OLFM2: variants seen among roughly 807,000 people sequenced by gnomAD.
OLFM2 encodes olfactomedin 2, also known as noelin-2.
In OLFM2, 20 loss-of-function variants were observed where a neutral mutation model predicts 43.9. That is an observed-to-expected ratio of 0.46 (90% CI 0.32 to 0.66). The LOEUF is 0.66. Ranked by LOEUF, OLFM2 falls within the 30% of genes least tolerant of loss-of-function variation. The pLI is 0.04. For synonymous variants in OLFM2, 268 were observed against 278.6 expected (o/e 0.96, Z 0.38); for missense variants, 416 against 643.6 (o/e 0.65, Z 3.83).
chr19:9,880,066 T>C (rs961205027), intron 1 of OLFM2, among the ~76,000 whole-genome samples: 12 of 152,078 alleles, frequency 7.9e-5, no homozygotes, highest in African/African-American at 2.7e-4. Flanking sequence ...CATAAGCCAC[T>C]GGGCCCGGTC....
intron 1 of OLFM2, among the ~76,000 whole-genome samples, chr19:9,897,949 C>A (rs1844660812): frequency 6.6e-6 from 1 of 152,004 alleles, no homozygotes; most frequent in Admixed American, 6.6e-5. Flanking sequence ...GTCACCCAGG[C>A]TGGAGCACAG....
At chr19:9,934,318 C>A (rs998824246) in intron 1 of OLFM2, among the ~76,000 whole-genome samples, 8 of 152,184 alleles carry the variant, frequency 5.3e-5, no homozygotes, top group African/African-American at 1.9e-4. Context: ...CCCGCCCTAA[C>A]GGATTACCTC....
At chr19:9,925,181 C>T (rs988010531) in intron 1 of OLFM2, among the ~76,000 whole-genome samples, 4 of 151,980 alleles carry the variant, frequency 2.6e-5, no homozygotes, top group Admixed American at 6.6e-5. Context: ...GGCTTGAGTC[C>T]GGAAGGCGGA....
chr19:9,888,867 C>G (rs1038616223), intron 1 of OLFM2, among the ~76,000 whole-genome samples: 101 of 152,100 alleles, frequency 6.6e-4, no homozygotes, highest in African/African-American at 2.3e-3. Flanking sequence ...GAGATCGAGA[C>G]CATCCTGGCT....
In OLFM2 at chr19:9,857,298, A is replaced by C; in HGVS notation, c.545T>G (p.Leu182Arg). The change falls in exon 4 of 6, where the codon CTG (leucine) becomes CGG (arginine). Residue 182 changes from leucine (L) to arginine (R), a missense_variant. Coordinates refer to ENST00000264833, the MANE Select transcript of OLFM2 (RefSeq NM_058164.4). The surrounding 1 kb of genome is among the most constrained non-coding windows in gnomAD (Gnocchi z 5.7). ...YEDLQQRVMALEARLHACAQK... is the reference protein window; with the variant it reads ...YEDLQQRVMAREARLHACAQK... ...GGCGCAGGCGTGGAGCCGGGCCTCC[A>C]GGGCCATCACCCGTTGCTGCAGGTC... is the stretch of plus-strand genomic sequence containing the variant. The C allele has an allele frequency of 6.2e-7, 1 of 1,614,154 alleles. No homozygotes were observed. Among genetic ancestry groups the C allele is most frequent in the African/African-American group, 1.3e-5 (1 of 75,046 alleles).
At chr19:9,906,119 A>AC (rs2046784107) in intron 1 of OLFM2, among the ~76,000 whole-genome samples, 1 of 152,108 alleles carries the variant, frequency 6.6e-6, no homozygotes, top group Non-Finnish European at 1.5e-5. Flanking sequence ...TTTCACGGGG[A>AC]CCAGGTAGGT....
rs1235324949 is a variant in OLFM2 at position 9,857,011 on chromosome 19, G to A, written c.581-98C>T. On this transcript the variant is annotated intron_variant, in intron 4 of 5. Transcript: ENST00000264833. This position sits in a 1 kb window ranked among gnomAD's most constrained non-coding sequence, Gnocchi z 5.7. ...GCTGTGATCAAGTTGGGAAAGCTGG[G>A]ACCAGGGATGAGGGAAGACTCAAAA... 4.6e-6 allele frequency: 5 copies of A among 1,075,912 alleles called. No individual in the cohort carries two copies. The highest frequency in any genetic ancestry group is 7.0e-6 in the Non-Finnish European group (5 of 719,106). 66.6% of individuals were successfully genotyped at this position (1,075,912 alleles called of 1,614,324 possible).
At chr19:9,889,329 G>C (rs907173980) in intron 1 of OLFM2, among the ~76,000 whole-genome samples, 1 of 151,952 alleles carries the variant, frequency 6.6e-6, no homozygotes, top group South Asian at 2.1e-4. Flanking sequence ...AGCACACACA[G>C]TGTCAATCTC....
At chr19:9,873,113 C>T (rs2046456860) in intron 1 of OLFM2, among the ~76,000 whole-genome samples, 1 of 152,174 alleles carries the variant, frequency 6.6e-6, no homozygotes, top group African/African-American at 2.4e-5. Flanking sequence ...ATTTGGATGC[C>T]AGCCTATCAG....
intron 1 of OLFM2, among the ~76,000 whole-genome samples, chr19:9,916,597 G>A (rs2046877824): frequency 1.3e-5 from 2 of 152,128 alleles, no homozygotes; most frequent in Non-Finnish European, 2.9e-5. Flanking sequence ...CAGACCCTAA[G>A]ACCAACTGGG....
intron 1 of OLFM2, among the ~76,000 whole-genome samples, chr19:9,914,213 G>T (rs2046856840): frequency 6.6e-6 from 1 of 152,102 alleles, no homozygotes; most frequent in Non-Finnish European, 1.5e-5. Context: ...AAGACGGCAG[G>T]GGGCCGGAGT....
intron 1 of OLFM2, chr19:9,913,843 G>C (rs7256356): frequency 0.47 from 101,740 of 215,352 alleles, 24,963 homozygotes; most frequent in Admixed American, 0.56. Context: ...GCCGGCTCGG[G>C]CCCCCGCCCC....
At chr19:9,883,558 CT>C (rs2046559330) in intron 1 of OLFM2, among the ~76,000 whole-genome samples, 1 of 152,146 alleles carries the variant, frequency 6.6e-6, no homozygotes, top group Non-Finnish European at 1.5e-5. Context: ...GGCCCCCCAG[CT>C]TCTCCAGGGC....
At chr19:9,927,710 CTGAG>C (rs984549116) in intron 1 of OLFM2, among the ~76,000 whole-genome samples, 17 of 152,310 alleles carry the variant, frequency 1.1e-4, no homozygotes, top group African/African-American at 3.6e-4. Context: ...CACGTCCCTC[CTGAG>C]TGAGTGAGTG....
At chr19:9,860,927 T>G (rs1396007742) in intron 1 of OLFM2, 133 bp from the exon 2 acceptor site, 4 of 894,742 alleles carry the variant, frequency 4.5e-6, no homozygotes, top group Non-Finnish European at 6.6e-6. Flanking sequence ...GTGCCTGTTG[T>G]GTGTGATCTC....
intron 1 of OLFM2, among the ~76,000 whole-genome samples, chr19:9,900,699 C>T (rs2878723): frequency 0.77 from 115,949 of 150,824 alleles, 45,437 homozygotes; most frequent in African/African-American, 0.92. Flanking sequence ...GAGACCCGCT[C>T]GGACAACATT....
At chr19:9,865,495 T>TTC (rs1568369130) in intron 1 of OLFM2, among the ~76,000 whole-genome samples, 1 of 132,014 alleles carries the variant, frequency 7.6e-6, no homozygotes, top group Non-Finnish European at 1.6e-5. Flanking sequence ...CTTTTTTTTT[T>TTC]TTTTTTTTTT....
At chr19:9,918,801 A>G (rs1024334325) in intron 1 of OLFM2, among the ~76,000 whole-genome samples, 1 of 152,226 alleles carries the variant, frequency 6.6e-6, no homozygotes, top group African/African-American at 2.4e-5. Flanking sequence ...TTTATACATA[A>G]TGTCCAGGGA....
intron 1 of OLFM2, among the ~76,000 whole-genome samples, chr19:9,890,475 T>C (rs1343612152): frequency 6.6e-6 from 1 of 152,198 alleles, no homozygotes; most frequent in African/African-American, 2.4e-5. Context: ...TGTGGACGTG[T>C]CTACAGGAGT....
Sources: allele counts gnomAD v4.1 joint callset (sites outside exome capture counted in the v4.1 genomes callset), GRCh38; gene constraint gnomAD v4.1.1; non-coding constraint Gnocchi (gnomAD v3.1); transcripts MANE v1.5; gene names NCBI Gene and HGNC (gene_info 2026-07-23, HGNC 2026-07-21).